Variants in FMNL2 observed in about 807,000 individuals in gnomAD.
FMNL2 encodes the protein formin-like protein 2.
Under a neutral mutation model 130.2 loss-of-function variants are expected in FMNL2, and 51 were observed. The observed-to-expected ratio is 0.39, with a 90% CI of 0.31 to 0.49. The LOEUF (loss-of-function observed/expected upper bound fraction) is 0.49. Ranked by LOEUF, FMNL2 falls within the 20% of genes least tolerant of loss-of-function variation. The pLI, the probability that FMNL2 is intolerant of heterozygous loss-of-function variation, is 0.85. For synonymous variants in FMNL2, 465 were observed against 467.1 expected (o/e 1.00, Z 0.06); for missense variants, 977 against 1,316.2 (o/e 0.74, Z 3.99).
Position 152,364,259 on chromosome 2 carries a change from G to GTT in FMNL2, c.117+28540_117+28541insTT, listed in dbSNP as rs1163993397. Among the ~76,000 whole-genome samples, 409 of 100,540 alleles carry GTT rather than the reference G, an allele frequency of 4.1e-3. 31 individuals carry two copies. In the East Asian group the frequency reaches 0.078, roughly 19 times the overall value. The allele number at this position is 100,540 out of a possible 152,430, so 66.0% of individuals were successfully genotyped here. On this transcript the variant is annotated intron_variant, in intron 1 of 25. Coordinates refer to ENST00000288670, the MANE Select transcript of FMNL2 (RefSeq NM_052905.4). ...GTTTCACATCCGTTAGGAGGTTTGT[G>GTT]TGTTTTTTTTTTTTTTTTTTTTTTT... is the stretch of plus-strand genomic sequence containing the variant.
At chr2:152,610,897 C>T (rs1192597244) in intron 10 of FMNL2, among the ~76,000 whole-genome samples, 1 of 152,206 alleles carries the variant, frequency 6.6e-6, no homozygotes, top group African/African-American at 2.4e-5. Context: ...TTTACATTAC[C>T]ACCAGCAATG....
intron 1 of FMNL2, among the ~76,000 whole-genome samples, chr2:152,497,261 G>A (rs1260412156): frequency 6.6e-6 from 1 of 152,098 alleles, no homozygotes; most frequent in African/African-American, 2.4e-5. Context: ...TTTTCAGAAT[G>A]CTAACACATA....
intron 1 of FMNL2, among the ~76,000 whole-genome samples, chr2:152,388,000 C>A (rs1345781892): frequency 6.6e-6 from 1 of 152,042 alleles, no homozygotes; most frequent in African/African-American, 2.4e-5. Flanking sequence ...TGAAAGGCTT[C>A]ATTGTCCTGC....
At position 152,589,987 on chromosome 2, in the gene FMNL2, A is replaced by ATGTATATGTATATG. The variant is rs1553482701; in HGVS notation, c.876+8939_876+8940insGTATATGTATATGT. Among the ~76,000 whole-genome samples the ATGTATATGTATATG allele has an allele frequency of 6.6e-3, 364 of 55,066 alleles. 4 individuals are homozygous for ATGTATATGTATATG. The highest frequency in any genetic ancestry group is 0.015 in the African/African-American group (195 of 13,300). The allele number at this position is 55,066 out of a possible 152,430, so 36.1% of individuals were successfully genotyped here. ...TATATATATATATATATATATATGT[A>ATGTATATGTATATG]TATGTATATGTATATATATATACAT... is the stretch of plus-strand genomic sequence containing the variant. On this transcript the variant is annotated intron_variant, in intron 9 of 25. Coordinates refer to ENST00000288670, the MANE Select transcript of FMNL2 (RefSeq NM_052905.4).
chr2:152,628,801 G>C (rs997940986), intron 18 of FMNL2, among the ~76,000 whole-genome samples: 2 of 152,166 alleles, frequency 1.3e-5, no homozygotes, highest in Admixed American at 6.5e-5. Flanking sequence ...GATTTCAAAA[G>C]GACAGGGGAC....
chr2:152,519,397 A>C (rs1327577938), intron 1 of FMNL2, among the ~76,000 whole-genome samples: 1 of 152,188 alleles, frequency 6.6e-6, no homozygotes, highest in Non-Finnish European at 1.5e-5. Context: ...TTGTTGAACG[A>C]AAGACTCTTT....
At chr2:152,353,449 T>G (rs889620590) in intron 1 of FMNL2, among the ~76,000 whole-genome samples, 2 of 152,188 alleles carry the variant, frequency 1.3e-5, no homozygotes, top group Non-Finnish European at 2.9e-5. Flanking sequence ...TAAGCCTTAC[T>G]TCTCTAGGTT....
chr2:152,609,056 T>C (rs1476771205), intron 10 of FMNL2, among the ~76,000 whole-genome samples: 1 of 152,212 alleles, frequency 6.6e-6, no homozygotes, highest in East Asian at 1.9e-4. Context: ...CAGCCCAGCC[T>C]GCTCATTTAT....
intron 25 of FMNL2, among the ~76,000 whole-genome samples, chr2:152,643,165 G>A (rs748570908): frequency 3.3e-5 from 5 of 152,140 alleles, no homozygotes; most frequent in Non-Finnish European, 7.3e-5. Flanking sequence ...AGGGGAATGA[G>A]TATCTGTTTA....
Position 152,590,440 on chromosome 2 carries a change from A to C in FMNL2, c.876+9391A>C, listed in dbSNP as rs1697364235. Among the ~76,000 whole-genome samples, 4 of 152,082 alleles carry C rather than the reference A, an allele frequency of 2.6e-5. 1 individual carries two copies. In the South Asian group the frequency reaches 8.3e-4, roughly 32 times the overall value. On this transcript the variant is annotated intron_variant, in intron 9 of 25. Transcript: ENST00000288670. The stretch of plus-strand genomic sequence containing the variant: ...CGAGACCAGCCTGGCCAAGATGGTG[A>C]AACCCTGTCTCTACTAAAAATACAA...
intron 9 of FMNL2, among the ~76,000 whole-genome samples, chr2:152,593,889 G>A (rs1240048390): frequency 8.9e-6 from 1 of 112,274 alleles, no homozygotes; most frequent in African/African-American, 3.1e-5. Flanking sequence ...GTGTGTGTGT[G>A]TGTGTGTGTG....
chr2:152,601,667 C>CGTT lies in FMNL2; in HGVS notation c.877-5672_877-5671insGTT, dbSNP rs1553484907. Among the ~76,000 whole-genome samples the CGTT allele has an allele frequency of 2.0e-4, 26 of 132,236 alleles. 1 individual carries two copies. Among genetic ancestry groups the CGTT allele is most frequent in the African/African-American group, 7.4e-4 (24 of 32,292 alleles). 86.8% of individuals were successfully genotyped at this position (132,236 alleles called of 152,430 possible). A position where few individuals can be genotyped will look rare whatever the true frequency, so the allele number is the denominator to read the frequency against. The stretch of plus-strand genomic sequence containing the variant: ...CTAAGGCTCTCTTTTCTTTTCTTTT[C>CGTT]TTTCTTTTTTTTTTTTTTTTGAGAC... On this transcript the variant is annotated intron_variant, in intron 9 of 25. Transcript: ENST00000288670.
At chr2:152,485,102 T>A (rs1482158056) in intron 1 of FMNL2, among the ~76,000 whole-genome samples, 1 of 152,132 alleles carries the variant, frequency 6.6e-6, no homozygotes, top group Non-Finnish European at 1.5e-5. Flanking sequence ...TCCCAGCACT[T>A]TGGGAGTCCA....
intron 1 of FMNL2, among the ~76,000 whole-genome samples, chr2:152,385,920 G>A (rs1312694072): frequency 2.6e-5 from 4 of 152,172 alleles, no homozygotes; most frequent in Non-Finnish European, 4.4e-5. Context: ...ATGAAAGGCT[G>A]TCAGCAATGC....
At chr2:152,501,176 C>T (rs1279999805) in intron 1 of FMNL2, among the ~76,000 whole-genome samples, 2 of 152,190 alleles carry the variant, frequency 1.3e-5, no homozygotes, top group Non-Finnish European at 2.9e-5. Flanking sequence ...CCAGTAATTC[C>T]CAAATAGAGT....
At chr2:152,429,607 C>CT (rs63647660) in intron 1 of FMNL2, among the ~76,000 whole-genome samples, 31,886 of 146,974 alleles carry the variant, frequency 0.22, 3,641 homozygotes, top group East Asian at 0.36. Context: ...CTTCTTTTGT[C>CT]TTTTTTTTTT....
Position 152,648,953 on chromosome 2 carries a change from G to A in FMNL2, c.*1048G>A, listed in dbSNP as rs1683849055. The A allele has an allele frequency of 6.6e-6, 1 of 152,522 alleles. No homozygotes were observed. The highest frequency in any genetic ancestry group is 2.4e-5 in the African/African-American group (1 of 41,424). 9.4% of individuals were successfully genotyped at this position (152,522 alleles called of 1,614,324 possible). ...ATTAAGCTTAAATAATACGTAATGG[G>A]ACTAGATGGCCCACTAAGCCACTGT... On this transcript the variant is annotated 3_prime_UTR_variant, in exon 26 of 26. Coordinates refer to ENST00000288670, the MANE Select transcript of FMNL2 (RefSeq NM_052905.4).
intron 1 of FMNL2, among the ~76,000 whole-genome samples, chr2:152,439,606 CT>C (rs1408740086): frequency 5.3e-5 from 8 of 151,876 alleles, no homozygotes; most frequent in Non-Finnish European, 8.8e-5. Flanking sequence ...GCAGATTGTT[CT>C]TTAGCATTAA....
intron 9 of FMNL2, among the ~76,000 whole-genome samples, chr2:152,587,542 A>G (rs1697152076): frequency 1.3e-5 from 2 of 152,226 alleles, no homozygotes; most frequent in African/African-American, 4.8e-5. Context: ...ATTGGAGATA[A>G]AAAAGATAGT....
Sources: allele counts gnomAD v4.1 joint callset (sites outside exome capture counted in the v4.1 genomes callset), GRCh38; gene constraint gnomAD v4.1.1; transcripts MANE v1.5; gene names NCBI Gene and HGNC (gene_info 2026-07-23, HGNC 2026-07-21).